Variants in STXBP5L observed in about 807,000 individuals in gnomAD.
STXBP5L encodes the protein syntaxin binding protein 5L.
STXBP5L carries 65 observed loss-of-function variants against 144.5 expected under a neutral mutation model. That is an observed-to-expected ratio of 0.45 (90% CI 0.37 to 0.55). The LOEUF (loss-of-function observed/expected upper bound fraction) is 0.55. Ranked by LOEUF, STXBP5L falls within the 20% of genes least tolerant of loss-of-function variation. The pLI, the probability that STXBP5L is intolerant of heterozygous loss-of-function variation, is 0.00. For synonymous variants in STXBP5L, 505 were observed against 469.6 expected (o/e 1.08, Z -0.97); for missense variants, 1,298 against 1,405.5 (o/e 0.92, Z 1.22).
At chr3:120,974,513 T>G (rs561425294) in intron 3 of STXBP5L, among the ~76,000 whole-genome samples, 16 of 151,640 alleles carry the variant, frequency 1.1e-4, no homozygotes, top group East Asian at 3.9e-4. Context: ...TCTGATGGTA[T>G]TTTCTTTTGC....
chr3:120,973,013 G>T (rs2107804561), intron 3 of STXBP5L, among the ~76,000 whole-genome samples: 1 of 152,180 alleles, frequency 6.6e-6, no homozygotes, highest in African/African-American at 2.4e-5. Flanking sequence ...GTTCATCAGA[G>T]ATATTGATCT....
chr3:120,955,592 A>G (rs1937936508), intron 3 of STXBP5L, among the ~76,000 whole-genome samples: 2 of 152,050 alleles, frequency 1.3e-5, no homozygotes, highest in South Asian at 4.1e-4. Flanking sequence ...TTTTGAGATA[A>G]TTAATTGTAG....
chr3:121,405,294 C>T (rs944251629), intron 22 of STXBP5L, among the ~76,000 whole-genome samples: 1 of 152,004 alleles, frequency 6.6e-6, no homozygotes, highest in African/African-American at 2.4e-5. Context: ...TCAAGAATTC[C>T]TATCTTCTTT....
At chr3:121,056,043 T>C (rs1041500248) in intron 5 of STXBP5L, among the ~76,000 whole-genome samples, 12 of 152,054 alleles carry the variant, frequency 7.9e-5, no homozygotes, top group African/African-American at 2.9e-4. Flanking sequence ...GGGCTCAAGC[T>C]ATCCTCCTGC....
chr3:121,190,804 G>C (rs2047637537), intron 9 of STXBP5L, among the ~76,000 whole-genome samples: 1 of 149,670 alleles, frequency 6.7e-6, no homozygotes, highest in Non-Finnish European at 1.5e-5. Context: ...CTGGGCGGAG[G>C]GGCTCCTCAC....
chr3:121,110,749 A>G (rs2043945181), intron 5 of STXBP5L, among the ~76,000 whole-genome samples: 1 of 152,032 alleles, frequency 6.6e-6, no homozygotes, highest in Non-Finnish European at 1.5e-5. Context: ...GGTTCTCTGG[A>G]TTTCCTGAAT....
intron 20 of STXBP5L, among the ~76,000 whole-genome samples, chr3:121,359,518 C>A (rs926331157): frequency 6.6e-6 from 1 of 151,928 alleles, no homozygotes. Context: ...GCATAAGAAG[C>A]CTTTGCCCAG....
intron 5 of STXBP5L, among the ~76,000 whole-genome samples, chr3:121,082,567 C>G (rs987660345): frequency 2.6e-5 from 4 of 152,166 alleles, no homozygotes; most frequent in African/African-American, 9.7e-5. Flanking sequence ...ATACTCTGCT[C>G]TGACCATCTT....
At chr3:121,159,340 T>A (rs1048149309) in intron 9 of STXBP5L, among the ~76,000 whole-genome samples, 1 of 152,078 alleles carries the variant, frequency 6.6e-6, no homozygotes, top group African/African-American at 2.4e-5. Flanking sequence ...ATTTGTGTTA[T>A]TATTATTAAT....
intron 5 of STXBP5L, among the ~76,000 whole-genome samples, chr3:121,069,354 T>A (rs1252197935): frequency 6.6e-6 from 1 of 152,228 alleles, no homozygotes; most frequent in East Asian, 1.9e-4. Flanking sequence ...AGTAGTATTT[T>A]ACAGTATTAG....
chr3:121,399,329 C>A (rs1248537509), intron 22 of STXBP5L, among the ~76,000 whole-genome samples: 1 of 152,052 alleles, frequency 6.6e-6, no homozygotes, highest in Non-Finnish European at 1.5e-5. Context: ...CTCCAGTGAC[C>A]CTTCAACCTG....
rs780383025 is a variant in STXBP5L, at chr3:121,121,717, A to G, written c.669+13A>G. On this transcript the variant is annotated intron_variant, in intron 7 of 26. Transcript: ENST00000471454. ...AGATGAAGGCAAAGTGAGTATTATG[A>G]TATCTTTATTATTAGTTTTATTTTC... is the stretch of plus-strand genomic sequence containing the variant. 18 of 1,573,120 alleles carry G rather than the reference A, an allele frequency of 1.1e-5. No homozygotes were observed. Among genetic ancestry groups the G allele is most frequent in the Non-Finnish European group, 1.6e-5 (18 of 1,147,180 alleles).
At chr3:121,153,746 C>T (rs369433224) in intron 8 of STXBP5L, among the ~76,000 whole-genome samples, 9 of 151,886 alleles carry the variant, frequency 5.9e-5, no homozygotes, top group African/African-American at 2.2e-4. Context: ...AATAAAATGG[C>T]AGCTGGGTAA....
intron 5 of STXBP5L, among the ~76,000 whole-genome samples, chr3:121,095,659 A>T (rs955743965): frequency 6.6e-6 from 1 of 152,132 alleles, no homozygotes; most frequent in African/African-American, 2.4e-5. Context: ...GGACTTCTGT[A>T]CATTGGTTAT....
intron 3 of STXBP5L, among the ~76,000 whole-genome samples, chr3:120,982,942 G>T (rs1057267619): frequency 8.5e-5 from 13 of 152,190 alleles, no homozygotes; most frequent in Non-Finnish European, 1.9e-4. Flanking sequence ...GGAGGAGTGG[G>T]CTGGTCCCCA....
intron 5 of STXBP5L, among the ~76,000 whole-genome samples, chr3:121,092,164 G>T (rs900945976): frequency 6.6e-6 from 1 of 152,052 alleles, no homozygotes; most frequent in African/African-American, 2.4e-5. Flanking sequence ...TGCTGTTTTG[G>T]TTACTGTAGC....
intron 19 of STXBP5L, among the ~76,000 whole-genome samples, chr3:121,297,432 G>T (rs940426562): frequency 6.6e-6 from 1 of 152,190 alleles, no homozygotes; most frequent in African/African-American, 2.4e-5. Flanking sequence ...TAGAAGCCAA[G>T]AACTTTAAAA....
chr3:121,186,475 C>T (rs557957348), intron 9 of STXBP5L, among the ~76,000 whole-genome samples: 84 of 152,224 alleles, frequency 5.5e-4, no homozygotes, highest in Middle Eastern at 3.4e-3. Flanking sequence ...CCCATCAATA[C>T]CTAATTTATT....
chr3:121,310,867 C>A (rs900498023), intron 19 of STXBP5L, among the ~76,000 whole-genome samples: 5 of 152,008 alleles, frequency 3.3e-5, no homozygotes, highest in African/African-American at 1.2e-4. Flanking sequence ...CAAGATCGCA[C>A]CACTGCACTC....
Sources: allele counts gnomAD v4.1 joint callset (sites outside exome capture counted in the v4.1 genomes callset), GRCh38; gene constraint gnomAD v4.1.1; transcripts MANE v1.5; gene names NCBI Gene and HGNC (gene_info 2026-07-23, HGNC 2026-07-21).